Variants in ZNF385D observed in about 807,000 individuals in gnomAD.
ZNF385D encodes the protein zinc finger protein 659.
In ZNF385D, 15 loss-of-function variants were observed where a neutral mutation model predicts 35.8. That is an observed-to-expected ratio of 0.42 (90% CI 0.28 to 0.64). The LOEUF (loss-of-function observed/expected upper bound fraction) is 0.64. Among genes scored for constraint, ZNF385D ranks in the 30% least tolerant of loss-of-function variants. The probability of loss-of-function intolerance (pLI) is 0.23; values close to 1 mark genes in which losing one functional copy is unlikely to be tolerated. For synonymous variants in ZNF385D, 212 were observed against 186.8 expected, an observed-to-expected ratio of 1.13 and a Z score of -1.10; for missense variants, 474 against 494.6, an observed-to-expected ratio of 0.96 and a Z score of 0.39.
intron 3 of ZNF385D, among the ~76,000 whole-genome samples, chr3:21,801,467 G>C (rs1376646717): frequency 6.6e-6 from 1 of 152,052 alleles, no homozygotes; most frequent in Admixed American, 6.6e-5. Context: ...TGGCTTGTTG[G>C]AGATGTTTGA....
chr3:21,640,841 G>A (rs764763251), intron 2 of ZNF385D, among the ~76,000 whole-genome samples: 17 of 152,106 alleles, frequency 1.1e-4, no homozygotes, highest in Non-Finnish European at 1.6e-4. Context: ...TACCTCTAGC[G>A]ACAGGGAGCT....
At chr3:22,170,546 T>C (rs1466447434) in intron 2 of ZNF385D, among the ~76,000 whole-genome samples, 2 of 152,160 alleles carry the variant, frequency 1.3e-5, no homozygotes, top group African/African-American at 2.4e-5. Context: ...ATTTAAAATA[T>C]ATTAACTTCC....
intron 2 of ZNF385D, among the ~76,000 whole-genome samples, chr3:22,337,512 C>T (rs1417526374): frequency 6.6e-6 from 1 of 151,956 alleles, no homozygotes; most frequent in Non-Finnish European, 1.5e-5. Context: ...CCAGCCTGGG[C>T]AACAGAGTGA....
At chr3:22,283,973 C>T (rs1403930726) in intron 2 of ZNF385D, among the ~76,000 whole-genome samples, 1 of 151,942 alleles carries the variant, frequency 6.6e-6, no homozygotes, top group African/African-American at 2.4e-5. Flanking sequence ...ATCTGGTGCC[C>T]CTTATTGATG....
chr3:21,633,256 T>G (rs2065333234), intron 2 of ZNF385D, among the ~76,000 whole-genome samples: 1 of 152,082 alleles, frequency 6.6e-6, no homozygotes, highest in South Asian at 2.1e-4. Flanking sequence ...GATTATTCAA[T>G]TACCTCAAAT....
intron 2 of ZNF385D, among the ~76,000 whole-genome samples, chr3:22,357,544 A>G (rs937396550): frequency 7.9e-5 from 12 of 151,918 alleles, no homozygotes; most frequent in South Asian, 6.2e-4. Context: ...CTGTAGCATT[A>G]TATCAGTCAG....
chr3:22,321,417 G>A (rs1269942804), intron 2 of ZNF385D, among the ~76,000 whole-genome samples: 1 of 151,958 alleles, frequency 6.6e-6, no homozygotes, highest in Non-Finnish European at 1.5e-5. Flanking sequence ...CCAGGCTGGA[G>A]TGCAATGGCG....
At chr3:21,628,379 AAGG>A (rs1417241505) in intron 2 of ZNF385D, among the ~76,000 whole-genome samples, 2 of 152,220 alleles carry the variant, frequency 1.3e-5, no homozygotes, top group South Asian at 2.1e-4. Context: ...AGTGGAAAAC[AAGG>A]AGGATTTAGT....
intron 3 of ZNF385D, among the ~76,000 whole-genome samples, chr3:22,014,775 G>A (rs553263694): frequency 6.6e-6 from 1 of 152,172 alleles, no homozygotes; most frequent in South Asian, 2.1e-4. Context: ...AAATTTCTAT[G>A]TAAATATTGA....
intron 3 of ZNF385D, among the ~76,000 whole-genome samples, chr3:21,813,189 C>A (rs1338334655): frequency 6.6e-6 from 1 of 152,180 alleles, no homozygotes; most frequent in Non-Finnish European, 1.5e-5. Flanking sequence ...AAAACCCCAT[C>A]TGTAGGTCAC....
chr3:21,670,646 A>T (rs2066539117), intron 1 of ZNF385D, among the ~76,000 whole-genome samples: 1 of 49,648 alleles, frequency 2.0e-5, no homozygotes, highest in Non-Finnish European at 3.7e-5. Context: ...TGAAATCCTA[A>T]GGCGCCCCCC....
At chr3:22,321,164 G>GTTTTTTTTTTTTT in intron 2 of ZNF385D, among the ~76,000 whole-genome samples, 20 of 76,122 alleles carry the variant, frequency 2.6e-4, no homozygotes, top group East Asian at 1.4e-3. Context: ...TTATGACCTT[G>GTTTTTTTTTTTTT]TTTTTTTTTT....
At chr3:22,215,431 C>A (rs1181415829) in intron 2 of ZNF385D, among the ~76,000 whole-genome samples, 1 of 151,902 alleles carries the variant, frequency 6.6e-6, no homozygotes, top group East Asian at 1.9e-4. Flanking sequence ...TGAAGGTAGG[C>A]CTCTAAAATG....
At chr3:21,700,562 C>G (rs1341546511) in intron 1 of ZNF385D, among the ~76,000 whole-genome samples, 1 of 152,116 alleles carries the variant, frequency 6.6e-6, no homozygotes, top group African/African-American at 2.4e-5. Context: ...GACAGAAGAC[C>G]TAAGTACACT....
chr3:22,039,255 CAAAAAAA>C (rs376799573), intron 3 of ZNF385D, among the ~76,000 whole-genome samples: 4 of 104,100 alleles, frequency 3.8e-5, no homozygotes, highest in African/African-American at 1.3e-4. Flanking sequence ...TAATCCAAGC[CAAAAAAA>C]AAAAAAAAAA....
At chr3:21,428,135 A>T (rs188382329) in intron 5 of ZNF385D, among the ~76,000 whole-genome samples, 1 of 152,290 alleles carries the variant, frequency 6.6e-6, no homozygotes. Flanking sequence ...TACAGCTAAA[A>T]TTTAGGAAAA....
chr3:21,508,411 C>T (rs749760420), intron 4 of ZNF385D, among the ~76,000 whole-genome samples: 2 of 152,130 alleles, frequency 1.3e-5, no homozygotes, highest in Admixed American at 6.5e-5. Flanking sequence ...GTCTGAGTCA[C>T]ATAACATGTT....
chr3:21,830,360 G>A (rs1211678922), intron 3 of ZNF385D, among the ~76,000 whole-genome samples: 1 of 152,118 alleles, frequency 6.6e-6, no homozygotes, highest in Non-Finnish European at 1.5e-5. Flanking sequence ...TGATTACATT[G>A]ATCTGTTATG....
At chr3:22,223,724 G>T (rs1458067340) in intron 2 of ZNF385D, among the ~76,000 whole-genome samples, 2 of 152,086 alleles carry the variant, frequency 1.3e-5, no homozygotes, top group African/African-American at 2.4e-5. Flanking sequence ...GTCCAACAAC[G>T]TGTCAAGAGA....
Sources: gnomAD v4.1 joint callset for allele counts (sites outside exome capture counted in the v4.1 genomes callset) on GRCh38, gnomAD v4.1.1 for gene constraint, MANE v1.5 for transcripts, NCBI Gene and HGNC (gene_info 2026-07-23, HGNC 2026-07-21) for gene names.